Variants in TSPAN9 observed in about 807,000 individuals in gnomAD.
The protein encoded by TSPAN9 is tetraspanin-9.
In TSPAN9, 16 loss-of-function variants were observed where a neutral mutation model predicts 31.0. That is an observed-to-expected ratio of 0.52 (90% confidence interval 0.35 to 0.78). TSPAN9 has a LOEUF of 0.78. TSPAN9 is among the 30% of genes least tolerant of loss of function. TSPAN9 has a pLI of 0.01. For synonymous variants in TSPAN9, 145 were observed against 121.6 expected (o/e 1.19, Z -1.27); for missense variants, 272 against 312.5 (o/e 0.87, Z 0.98).
intron 3 of TSPAN9, among the ~76,000 whole-genome samples, chr12:3,214,843 C>T (rs1181663070): frequency 6.6e-6 from 1 of 152,106 alleles, no homozygotes; most frequent in Non-Finnish European, 1.5e-5. Flanking sequence ...TCCAATTCCT[C>T]CCTCCAGCGA....
At chr12:3,179,219 A>C (rs758893853) in intron 2 of TSPAN9, among the ~76,000 whole-genome samples, 3 of 151,670 alleles carry the variant, frequency 2.0e-5, no homozygotes, top group Non-Finnish European at 4.4e-5. Flanking sequence ...ACAGGAAGGC[A>C]CCTCCCAAAG....
chr12:3,217,043 C>A (rs2098381761), intron 3 of TSPAN9, among the ~76,000 whole-genome samples: 1 of 152,256 alleles, frequency 6.6e-6, no homozygotes, highest in Non-Finnish European at 1.5e-5. Context: ...TGAGAGACTG[C>A]TCAGAGGGCA....
At chr12:3,146,731 A>G (rs2098337433) in intron 2 of TSPAN9, among the ~76,000 whole-genome samples, 1 of 151,956 alleles carries the variant, frequency 6.6e-6, no homozygotes, top group Non-Finnish European at 1.5e-5. Flanking sequence ...CAGTGCTGAG[A>G]TCTTCCTGGG....
rs2098323425 is a variant in TSPAN9, at chr12:3,118,259, T to TTTTTTTTTTTTTTG, written c.-18+34553_-18+34554insGTTTTTTTTTTTTT. Among the ~76,000 whole-genome samples, 8 of 58,694 alleles carry TTTTTTTTTTTTTTG rather than the reference T, an allele frequency of 1.4e-4. 2 individuals carry two copies. The highest frequency in any genetic ancestry group is 2.5e-4 in the Non-Finnish European group (8 of 31,858). 38.5% of individuals were successfully genotyped at this position (58,694 alleles called of 152,430 possible). A position where few individuals can be genotyped will look rare whatever the true frequency, so the allele number is the denominator to read the frequency against. ...CCGCACCGCCCCTGCACCCGCCGTT[T>TTTTTTTTTTTTTTG]TTTTTTTTTTTTTTTTTTTTTGAGA... is the stretch of plus-strand genomic sequence containing the variant. On this transcript the variant is annotated intron_variant, in intron 2 of 8. Coordinates refer to ENST00000011898, the MANE Select transcript of TSPAN9 (RefSeq NM_006675.5).
In TSPAN9 at chr12:3,283,370, C is replaced by T. The variant is rs1862939265; in HGVS notation, c.*254C>T. The stretch of plus-strand genomic sequence containing the variant: ...GCATATGCGTATTTGCCAAAGACGA[C>T]AGGGTGGGCTGGGGTGCGCTCCGGA... On this transcript the variant is annotated 3_prime_UTR_variant, in exon 9 of 9. Transcript: ENST00000011898. The T allele has an allele frequency of 4.4e-6, 2 of 457,410 alleles. No homozygotes were observed. The highest frequency in any genetic ancestry group is 3.9e-5 in the East Asian group (1 of 25,366). The allele number at this position is 457,410 out of a possible 1,614,324, so 28.3% of individuals were successfully genotyped here. A position where few individuals can be genotyped will look rare whatever the true frequency, so the allele number is the denominator to read the frequency against.
intron 2 of TSPAN9, among the ~76,000 whole-genome samples, chr12:3,146,587 A>T (rs1380002935): frequency 1.3e-5 from 2 of 152,196 alleles, no homozygotes; most frequent in Non-Finnish European, 2.9e-5. Context: ...TACACTTGGA[A>T]TAAGTTTAAA....
At chr12:3,256,198 C>T (rs1591708860) in intron 3 of TSPAN9, among the ~76,000 whole-genome samples, 2 of 152,296 alleles carry the variant, frequency 1.3e-5, no homozygotes, top group East Asian at 1.9e-4. Context: ...GGCGGGGTCC[C>T]GAGGCCCAGT....
chr12:3,136,973 C>T (rs138393288), intron 2 of TSPAN9, among the ~76,000 whole-genome samples: 1 of 152,300 alleles, frequency 6.6e-6, no homozygotes, highest in Non-Finnish European at 1.5e-5. Flanking sequence ...GTGAAGGCTT[C>T]GGGTGTGGAA....
At chr12:3,238,390 C>A (rs983961090) in intron 3 of TSPAN9, among the ~76,000 whole-genome samples, 2 of 152,236 alleles carry the variant, frequency 1.3e-5, no homozygotes, top group Non-Finnish European at 2.9e-5. Flanking sequence ...GCACAGTCCG[C>A]AGCTGCCAGG....
chr12:3,203,533 G>A (rs868158722), intron 3 of TSPAN9, among the ~76,000 whole-genome samples: 11 of 152,346 alleles, frequency 7.2e-5, no homozygotes, highest in East Asian at 1.9e-4. Flanking sequence ...GGTTGATAGC[G>A]AGAGAACTTG....
At position 3,091,464 on chromosome 12, in the gene TSPAN9, G is replaced by A. The variant is rs145069476; in HGVS notation, c.-18+7745G>A. The stretch of plus-strand genomic sequence containing the variant: ...GAGGCAGGGGAAGAGCCAGTGATGG[G>A]TCATTAATGCATCCCCAAACCCCAG... On this transcript the variant is annotated intron_variant, in intron 2 of 8. Coordinates refer to ENST00000011898, the MANE Select transcript of TSPAN9 (RefSeq NM_006675.5). 9.8e-5 allele frequency among the ~76,000 whole-genome samples: 15 copies of A among 152,338 alleles called. No individual in the cohort carries two copies. The East Asian group carries it at 2.7e-3, about 27-fold the overall frequency.
At chr12:3,158,515 A>G (rs530349006) in intron 2 of TSPAN9, among the ~76,000 whole-genome samples, 1 of 152,236 alleles carries the variant, frequency 6.6e-6, no homozygotes, top group South Asian at 2.1e-4. Context: ...CGAGGTCAGG[A>G]GTTCGAGACC....
Position 3,109,299 on chromosome 12 carries a change from T to TGTGAGAGAGAGA in TSPAN9, c.-18+25581_-18+25582insTGAGAGAGAGAG, listed in dbSNP as rs1274383200. On this transcript the variant is annotated intron_variant, in intron 2 of 8. Transcript: ENST00000011898. ...GTGTGTGTGTGTGTGTGTGTGTGTGTGAGAGAGAGTGTGTGTGTGTGTGTG... is the reference window on the plus strand; with the variant it reads ...GTGTGTGTGTGTGTGTGTGTGTGTGTGTGAGAGAGAGAGAGAGAGAGTGTGTGTGTGTGTGTG... 3.6e-3 allele frequency among the ~76,000 whole-genome samples: 424 copies of TGTGAGAGAGAGA among 118,286 alleles called. 7 individuals are homozygous for TGTGAGAGAGAGA. The highest frequency in any genetic ancestry group is 3.9e-3 in the Middle Eastern group (1 of 258). 77.6% of individuals were successfully genotyped at this position (118,286 alleles called of 152,430 possible).
At chr12:3,272,840 A>G (rs1862708747) in intron 3 of TSPAN9, 1 of 152,222 alleles carries the variant, frequency 6.6e-6, no homozygotes. Flanking sequence ...AACATACGTA[A>G]CGACACGTGG....
At position 3,186,340 on chromosome 12, in the gene TSPAN9, A is replaced by G. The variant is rs577840449; in HGVS notation, c.-17-14837A>G. Among the ~76,000 whole-genome samples, 8 of 152,294 alleles carry G rather than the reference A, an allele frequency of 5.3e-5. No homozygotes were observed. The South Asian group carries it at 1.7e-3, about 32-fold the overall frequency. On this transcript the variant is annotated intron_variant, in intron 2 of 8. Coordinates refer to ENST00000011898, the MANE Select transcript of TSPAN9 (RefSeq NM_006675.5). ...AGAGATGGAGTGTGCTGGGGGAGGTACAGTTTTGAATGGGGTGGTCAGGGA... is the reference window on the plus strand; with the variant it reads ...AGAGATGGAGTGTGCTGGGGGAGGTGCAGTTTTGAATGGGGTGGTCAGGGA...
rs73035909 is a variant in TSPAN9 at position 3,179,781 on chromosome 12, C to G, written c.-17-21396C>G. Among the ~76,000 whole-genome samples, 195 of 152,244 alleles carry G rather than the reference C, an allele frequency of 1.3e-3. 1 individual carries two copies. In the East Asian group the frequency reaches 0.036, roughly 28 times the overall value. On this transcript the variant is annotated intron_variant, in intron 2 of 8. Coordinates refer to ENST00000011898, the MANE Select transcript of TSPAN9 (RefSeq NM_006675.5). ...GGCACGATTCTCCCCATTTTGCAGGCGAGCATGTTAAATCCAGATTCTCAG... is the reference window on the plus strand; with the variant it reads ...GGCACGATTCTCCCCATTTTGCAGGGGAGCATGTTAAATCCAGATTCTCAG...
At chr12:3,202,754 C>T (rs1217811896) in intron 3 of TSPAN9, among the ~76,000 whole-genome samples, 2 of 152,172 alleles carry the variant, frequency 1.3e-5, no homozygotes. Context: ...GAGTTGGATT[C>T]CCCTAGTTGT....
At chr12:3,136,949 C>A (rs1241506425) in intron 2 of TSPAN9, among the ~76,000 whole-genome samples, 1 of 152,198 alleles carries the variant, frequency 6.6e-6, no homozygotes, top group African/African-American at 2.4e-5. Context: ...ACCCCTGCCC[C>A]GTCCAGTCCT....
intron 2 of TSPAN9, among the ~76,000 whole-genome samples, chr12:3,089,548 G>A (rs533789428): frequency 1.4e-4 from 22 of 151,940 alleles, no homozygotes; most frequent in South Asian, 4.2e-4. Context: ...GCCCTCCTTG[G>A]CCTCCCAAAG....
Sources: gnomAD v4.1 joint callset for allele counts (sites outside exome capture counted in the v4.1 genomes callset) on GRCh38, gnomAD v4.1.1 for gene constraint, MANE v1.5 for transcripts, NCBI Gene and HGNC (gene_info 2026-07-23, HGNC 2026-07-21) for gene names.